The following HERC3 variants were observed in gnomAD, a reference collection of about 807,000 sequenced individuals.
HERC3 encodes the protein HECT and RLD domain containing E3 ubiquitin protein ligase 3.
HERC3 carries 58 observed loss-of-function variants against 129.9 expected under a neutral mutation model. The ratio of observed to expected loss-of-function variants is 0.45; its 90% CI spans 0.36 to 0.56. The LOEUF (loss-of-function observed/expected upper bound fraction) is 0.56, where lower values mean the gene tolerates loss of function less well. Among genes scored for constraint, HERC3 ranks in the 20% least tolerant of loss-of-function variants. HERC3 has a pLI of 0.00. For synonymous variants in HERC3, 430 were observed against 451.0 expected, an observed-to-expected ratio of 0.95 and a Z score of 0.59; for missense variants, 835 against 1,244.2, an observed-to-expected ratio of 0.67 and a Z score of 4.95.
chr4:88,596,634 C>G (rs376616525), intron 2 of HERC3, among the ~76,000 whole-genome samples: 1 of 152,210 alleles, frequency 6.6e-6, no homozygotes, highest in Non-Finnish European at 1.5e-5. Flanking sequence ...GCCATACTGC[C>G]TCAACAGCGC....
Position 88,595,841 on chromosome 4 carries a change from C to CTTTTTTT in HERC3, c.-30+248_-30+254dup, listed in dbSNP as rs532515500. On this transcript the variant is annotated intron_variant, in intron 2 of 25. Transcript: ENST00000402738. ...TGGTCTCTGCTTCAAGCACTTAATT[C>CTTTTTTT]TTTTTTTTTTTTTTTTTTTTTTTTT... 2.7e-4 allele frequency among the ~76,000 whole-genome samples: 22 copies of CTTTTTTT among 80,250 alleles called. 2 individuals carry two copies. Among genetic ancestry groups the CTTTTTTT allele is most frequent in the Non-Finnish European group, 4.7e-5 (2 of 42,494 alleles). 52.6% of individuals were successfully genotyped at this position (80,250 alleles called of 152,430 possible). A position where few individuals can be genotyped will look rare whatever the true frequency, so the allele number is the denominator to read the frequency against.
At chr4:88,583,147 A>T in the HERC3 span, among the ~76,000 whole-genome samples, 1 of 152,184 alleles carries the variant, frequency 6.6e-6, no homozygotes, top group Non-Finnish European at 1.5e-5. Context: ...ATATTTCAAT[A>T]AGAAAGTAGG....
the HERC3 span, among the ~76,000 whole-genome samples, chr4:88,552,969 A>G: frequency 6.6e-6 from 1 of 152,238 alleles, no homozygotes; most frequent in Admixed American, 6.5e-5. Flanking sequence ...TAGGTGAGAC[A>G]GTAATCTTTA....
intron 2 of HERC3, among the ~76,000 whole-genome samples, chr4:88,605,103 A>G (rs756367082): frequency 6.6e-6 from 1 of 152,074 alleles, no homozygotes; most frequent in Non-Finnish European, 1.5e-5. Context: ...CTGTTTGGGG[A>G]GTTAAGTTAT....
chr4:88,545,935 A>ATAAATG, the HERC3 span, among the ~76,000 whole-genome samples: 1 of 152,210 alleles, frequency 6.6e-6, no homozygotes, highest in Non-Finnish European at 1.5e-5. Context: ...TAATAGTGGT[A>ATAAATG]TAAATGTGAA....
At chr4:88,628,611 A>G (rs2149235575) in intron 3 of HERC3, among the ~76,000 whole-genome samples, 1 of 152,332 alleles carries the variant, frequency 6.6e-6, no homozygotes, top group Non-Finnish European at 1.5e-5. Flanking sequence ...GCCTGCAGTG[A>G]TAAAATGTTA....
intron 3 of HERC3, among the ~76,000 whole-genome samples, chr4:88,630,053 C>T (rs1465268463): frequency 2.0e-5 from 3 of 152,102 alleles, no homozygotes; most frequent in African/African-American, 7.2e-5. Context: ...ATAAGTATAG[C>T]ATGTGGTGAA....
the HERC3 span, among the ~76,000 whole-genome samples, chr4:88,561,139 A>G: frequency 6.6e-6 from 1 of 151,954 alleles, no homozygotes; most frequent in Non-Finnish European, 1.5e-5. Flanking sequence ...TGGGATTTTG[A>G]TAGGGATTGC....
chr4:88,693,049 G>A, intron 23 of HERC3: 1 of 975,988 alleles, frequency 1.0e-6, no homozygotes, highest in Non-Finnish European at 1.2e-6. Context: ...TGAAGACAAT[G>A]CTTATATTTA....
intron 2 of HERC3, among the ~76,000 whole-genome samples, chr4:88,600,976 A>C (rs774719146): frequency 1.3e-4 from 20 of 152,234 alleles, no homozygotes; most frequent in Non-Finnish European, 2.4e-4. Context: ...TTATTTCTAG[A>C]TTATGTGAGC....
At chr4:88,542,415 A>G in the HERC3 span, among the ~76,000 whole-genome samples, 1 of 152,184 alleles carries the variant, frequency 6.6e-6, no homozygotes, top group African/African-American at 2.4e-5. Flanking sequence ...CTCTGAATAG[A>G]CCAATAACAG....
At chr4:88,594,624 C>G (rs1027534545) in intron 1 of HERC3, among the ~76,000 whole-genome samples, 1 of 152,152 alleles carries the variant, frequency 6.6e-6, no homozygotes, top group Non-Finnish European at 1.5e-5. Context: ...TGCCATGTTG[C>G]TCAGGCTGAT....
chr4:88,658,409 T>C lies in HERC3; in HGVS notation c.1070-6T>C. 6.4e-7 allele frequency: 1 copy of C among 1,553,022 alleles called. No homozygotes were observed. The highest frequency in any genetic ancestry group is 1.9e-5 in the Admixed American group (1 of 53,230). ...AAATATGCTTTCGGAATTTTTTTTT[T>C]GACAGATCGCTTTAAATATCATATC... On this transcript the variant is annotated splice_polypyrimidine_tract_variant and splice_region_variant and intron_variant, in intron 9 of 25. Coordinates refer to ENST00000402738, the MANE Select transcript of HERC3 (RefSeq NM_014606.3).
intron 13 of HERC3, among the ~76,000 whole-genome samples, 176 bp from the exon 14 acceptor site, chr4:88,667,715 CT>C (rs1428998786): frequency 6.6e-6 from 1 of 152,106 alleles, no homozygotes; most frequent in Non-Finnish European, 1.5e-5. Context: ...GGATCTTTGG[CT>C]TTTCTTTTCA....
At chr4:88,676,522 G>A in intron 18 of HERC3, 99 bp downstream of exon 18, 3 of 831,772 alleles carry the variant, frequency 3.6e-6, no homozygotes, top group Non-Finnish European at 5.9e-6. Flanking sequence ...ATATTTGGTT[G>A]AAATTCCATT....
intron 21 of HERC3, among the ~76,000 whole-genome samples, chr4:88,684,294 G>T (rs761316374): frequency 6.6e-5 from 10 of 152,062 alleles, no homozygotes; most frequent in Non-Finnish European, 1.0e-4. Flanking sequence ...ACAGAACAGA[G>T]ACCTCAGAAA....
intron 10 of HERC3, among the ~76,000 whole-genome samples, chr4:88,659,452 A>T (rs1196961286): frequency 6.6e-6 from 1 of 152,230 alleles, no homozygotes; most frequent in Non-Finnish European, 1.5e-5. Flanking sequence ...TAGGTTGGAA[A>T]ATCCTGGTGG....
chr4:88,655,087 A>G (rs544776804), intron 7 of HERC3, 87 bp from the exon 8 acceptor site: 3 of 1,392,432 alleles, frequency 2.2e-6, no homozygotes, highest in African/African-American at 1.4e-5. Flanking sequence ...TCTTGTGCAC[A>G]TTGTTGTGAT....
At chr4:88,540,108 T>G in the HERC3 span, among the ~76,000 whole-genome samples, 66 of 152,174 alleles carry the variant, frequency 4.3e-4, no homozygotes, top group Admixed American at 7.9e-4. Flanking sequence ...TTGACAGAAG[T>G]AGGCTTCAGA....
Sources: allele counts gnomAD v4.1 joint callset (sites outside exome capture counted in the v4.1 genomes callset), GRCh38; gene constraint gnomAD v4.1.1; transcripts MANE v1.5; gene names NCBI Gene and HGNC (gene_info 2026-07-23, HGNC 2026-07-21).